The following KCND2 variants were observed in gnomAD, a reference collection of about 807,000 sequenced individuals.
The protein encoded by KCND2 is potassium voltage-gated channel subfamily D member 2.
A neutral mutation model predicts 54.4 loss-of-function variants in KCND2; 16 were observed. The observed-to-expected ratio is 0.29, with a 90% CI of 0.20 to 0.45. KCND2 has a LOEUF of 0.45. Ranked by LOEUF, KCND2 falls within the 20% of genes least tolerant of loss-of-function variation. The pLI, the probability that KCND2 is intolerant of heterozygous loss-of-function variation, is 1.00. For synonymous variants in KCND2, 317 were observed against 310.7 expected (o/e 1.02, Z -0.21); for missense variants, 486 against 824.2 (o/e 0.59, Z 5.02).
intron 1 of KCND2, among the ~76,000 whole-genome samples, chr7:120,646,730 A>C (rs199754142): frequency 3.3e-4 from 51 of 152,376 alleles, no homozygotes; most frequent in African/African-American, 1.2e-3. Context: ...AGTGGGGAAA[A>C]TAATGAAATA....
At chr7:120,613,362 C>T (rs1278343402) in intron 1 of KCND2, among the ~76,000 whole-genome samples, 2 of 152,132 alleles carry the variant, frequency 1.3e-5, no homozygotes, top group Non-Finnish European at 2.9e-5. Flanking sequence ...AAACCCCGGT[C>T]TCTACTAAAA....
chr7:120,437,645 T>C (rs899946736), intron 1 of KCND2, among the ~76,000 whole-genome samples: 1 of 152,152 alleles, frequency 6.6e-6, no homozygotes. Flanking sequence ...CAGATAAAAT[T>C]AATTAAACCT....
At chr7:120,397,297 A>G (rs1801168616) in intron 1 of KCND2, among the ~76,000 whole-genome samples, 1 of 152,042 alleles carries the variant, frequency 6.6e-6, no homozygotes. Context: ...GAATATTTCT[A>G]CAGTCCCTGG....
At chr7:120,279,197 A>G (rs1799225710) in intron 1 of KCND2, among the ~76,000 whole-genome samples, 1 of 152,058 alleles carries the variant, frequency 6.6e-6, no homozygotes, top group African/African-American at 2.4e-5. Flanking sequence ...GACAGTGTCA[A>G]GCTTCAGTTT....
chr7:120,661,482 C>G (rs1791865261), intron 1 of KCND2, among the ~76,000 whole-genome samples: 1 of 152,018 alleles, frequency 6.6e-6, no homozygotes, highest in South Asian at 2.1e-4. Flanking sequence ...AACCTCATCT[C>G]TACTAAAAAT....
At chr7:120,343,994 GCAGT>G (rs1213568248) in intron 1 of KCND2, among the ~76,000 whole-genome samples, 4 of 152,082 alleles carry the variant, frequency 2.6e-5, no homozygotes, top group Non-Finnish European at 5.9e-5. Flanking sequence ...GCAGTTCAAA[GCAGT>G]CAGATGATTT....
intron 1 of KCND2, among the ~76,000 whole-genome samples, chr7:120,320,475 A>G (rs952885807): frequency 3.3e-5 from 5 of 152,122 alleles, no homozygotes; most frequent in African/African-American, 1.2e-4. Flanking sequence ...GCCAGGGTGA[A>G]GAGATGAAGG....
chr7:120,315,711 T>G (rs1799801833), intron 1 of KCND2, among the ~76,000 whole-genome samples: 1 of 151,708 alleles, frequency 6.6e-6, no homozygotes, highest in Non-Finnish European at 1.5e-5. Flanking sequence ...TTGTTGTCAA[T>G]GTAGGGAAAG....
chr7:120,332,985 G>A (rs1434046073), intron 1 of KCND2, among the ~76,000 whole-genome samples: 1 of 151,976 alleles, frequency 6.6e-6, no homozygotes, highest in Non-Finnish European at 1.5e-5. Context: ...AAATTATTTA[G>A]ATCCATCTGC....
intron 1 of KCND2, among the ~76,000 whole-genome samples, chr7:120,655,006 G>A (rs188638304): frequency 2.0e-5 from 3 of 151,812 alleles, no homozygotes; most frequent in African/African-American, 7.2e-5. Context: ...ATTCAAAAAT[G>A]CATTAAATGA....
chr7:120,519,583 TC>T (rs1444842788), intron 1 of KCND2, among the ~76,000 whole-genome samples: 1 of 152,150 alleles, frequency 6.6e-6, no homozygotes, highest in Non-Finnish European at 1.5e-5. Flanking sequence ...AACTATCTGA[TC>T]CCACCTGTGC....
intron 1 of KCND2, among the ~76,000 whole-genome samples, chr7:120,389,550 T>G (rs1801042501): frequency 6.6e-6 from 1 of 151,858 alleles, no homozygotes; most frequent in Non-Finnish European, 1.5e-5. Context: ...TCCCTACTCC[T>G]AGTAACTACC....
At position 120,722,379 on chromosome 7, in the gene KCND2, G is replaced by A. The variant is rs561782981; in HGVS notation, c.1116-10524G>A. On this transcript the variant is annotated intron_variant, in intron 1 of 5. Transcript: ENST00000331113. The stretch of plus-strand genomic sequence containing the variant: ...TGGGAACAGGAGTAATATGGGCATG[G>A]CCAGACCCGCCAGGAGGGATACAAC... Among the ~76,000 whole-genome samples the A allele has an allele frequency of 2.0e-5, 3 of 152,188 alleles. No individual in the cohort carries two copies. The South Asian group carries it at 6.2e-4, about 32-fold the overall frequency.
chr7:120,741,337 C>G (rs1404989355), intron 2 of KCND2, among the ~76,000 whole-genome samples, 197 bp from the exon 3 acceptor site: 1 of 152,052 alleles, frequency 6.6e-6, no homozygotes, highest in African/African-American at 2.4e-5. Context: ...CAAGGTAGTT[C>G]ATTGATTTTA....
intron 1 of KCND2, among the ~76,000 whole-genome samples, chr7:120,652,413 C>G (rs1156944030): frequency 2.6e-5 from 4 of 152,106 alleles, no homozygotes; most frequent in Non-Finnish European, 4.4e-5. Flanking sequence ...AGAGTAGGAA[C>G]AAGAAAAACT....
intron 1 of KCND2, among the ~76,000 whole-genome samples, chr7:120,448,886 T>A (rs1802058628): frequency 1.3e-5 from 2 of 152,176 alleles, no homozygotes; most frequent in African/African-American, 4.8e-5. Flanking sequence ...CTGTTAGGAA[T>A]ATGAAAGTAT....
chr7:120,299,373 T>G (rs896231003), intron 1 of KCND2, among the ~76,000 whole-genome samples: 2 of 152,258 alleles, frequency 1.3e-5, no homozygotes, highest in Admixed American at 1.3e-4. Flanking sequence ...ACCATTCTTT[T>G]GTGTGAGTGT....
At chr7:120,628,214 CTT>C (rs1439485901) in intron 1 of KCND2, among the ~76,000 whole-genome samples, 2 of 152,186 alleles carry the variant, frequency 1.3e-5, no homozygotes, top group Non-Finnish European at 2.9e-5. Flanking sequence ...ACTCAAATAA[CTT>C]AGGCAGATTC....
At chr7:120,641,240 T>C (rs1159468836) in intron 1 of KCND2, among the ~76,000 whole-genome samples, 1 of 90,660 alleles carries the variant, frequency 1.1e-5, no homozygotes, top group African/African-American at 4.4e-5. Context: ...TCAGGGACTG[T>C]CATTTTGGCA....
Sources: gnomAD v4.1 joint callset for allele counts (sites outside exome capture counted in the v4.1 genomes callset) on GRCh38, gnomAD v4.1.1 for gene constraint, MANE v1.5 for transcripts, NCBI Gene and HGNC (gene_info 2026-07-23, HGNC 2026-07-21) for gene names.